Variants in DDAH1 observed in about 807,000 individuals in gnomAD.
The protein encoded by DDAH1 is dimethylarginine dimethylaminohydrolase 1, also known as N(G),N(G)-dimethylarginine dimethylaminohydrolase 1.
DDAH1 carries 19 observed loss-of-function variants against 28.8 expected under a neutral mutation model. That is an observed-to-expected ratio of 0.66 (90% CI 0.46 to 0.97). DDAH1 has a LOEUF of 0.97. Ranked by LOEUF, DDAH1 falls within the 50% of genes least tolerant of loss-of-function variation. The pLI, the probability that DDAH1 is intolerant of heterozygous loss-of-function variation, is 0.00. For missense variants in DDAH1, 326 were observed against 375.9 expected (o/e 0.87, Z 1.10); for synonymous variants, 153 against 154.4 (o/e 0.99, Z 0.07).
At chr1:85,412,533 T>C (rs1652697499) in intron 1 of DDAH1, among the ~76,000 whole-genome samples, 1 of 152,170 alleles carries the variant, frequency 6.6e-6, no homozygotes, top group African/African-American at 2.4e-5. Context: ...ATCGGTGTAG[T>C]ATGGCCCAAA....
intron 1 of DDAH1, among the ~76,000 whole-genome samples, chr1:85,449,928 C>T (rs1389217268): frequency 6.6e-6 from 1 of 152,014 alleles, no homozygotes; most frequent in Non-Finnish European, 1.5e-5. Context: ...GATTCTTGTC[C>T]CTTCCAGCAG....
intron 5 of DDAH1, among the ~76,000 whole-genome samples, chr1:85,322,021 C>T (rs897393736): frequency 1.3e-5 from 2 of 152,146 alleles, no homozygotes; most frequent in African/African-American, 4.8e-5. Context: ...TCAAGTGATC[C>T]TCCCACCTCA....
chr1:85,544,460 A>T (rs1259940179), intron 1 of DDAH1, among the ~76,000 whole-genome samples: 1 of 152,166 alleles, frequency 6.6e-6, no homozygotes, highest in Non-Finnish European at 1.5e-5. Context: ...CACAATGTCT[A>T]TTCCCATCCC....
At chr1:85,369,680 G>A (rs905590427) in intron 1 of DDAH1, among the ~76,000 whole-genome samples, 5 of 152,170 alleles carry the variant, frequency 3.3e-5, no homozygotes, top group African/African-American at 9.7e-5. Flanking sequence ...ATACATCAGC[G>A]AAGAGAGAAG....
intron 1 of DDAH1, among the ~76,000 whole-genome samples, chr1:85,434,744 C>T (rs1246584797): frequency 6.6e-6 from 1 of 152,076 alleles, no homozygotes; most frequent in African/African-American, 2.4e-5. Context: ...CAAACACTAT[C>T]CCTTCTTTTT....
Position 85,346,176 on chromosome 1 carries a change from C to T in DDAH1, c.597+4239G>A, listed in dbSNP as rs1392051691. 2.6e-5 allele frequency among the ~76,000 whole-genome samples: 4 copies of T among 152,154 alleles called. No individual in the cohort carries two copies. In the East Asian group the frequency reaches 7.7e-4, roughly 29 times the overall value. ...GAACCAAGTACTCAGAGAGCAGTGA[C>T]AGAGGTGAGAAGTAATCAAGCTTTC... is the stretch of plus-strand genomic sequence containing the variant. On this transcript the variant is annotated intron_variant, in intron 4 of 5. Coordinates refer to ENST00000284031, the MANE Select transcript of DDAH1 (RefSeq NM_012137.4).
chr1:85,421,963 T>C (rs1009787709), intron 1 of DDAH1, among the ~76,000 whole-genome samples: 11 of 152,198 alleles, frequency 7.2e-5, no homozygotes, highest in African/African-American at 2.7e-4. Flanking sequence ...AGGAGCATGA[T>C]TGCTGGATTG....
At chr1:85,556,515 C>G (rs1291491664) in intron 1 of DDAH1, among the ~76,000 whole-genome samples, 1 of 152,056 alleles carries the variant, frequency 6.6e-6, no homozygotes, top group Non-Finnish European at 1.5e-5. Context: ...GAGGTAGATA[C>G]CACACTGTCA....
At chr1:85,543,294 C>T (rs975761460) in intron 1 of DDAH1, among the ~76,000 whole-genome samples, 2 of 152,188 alleles carry the variant, frequency 1.3e-5, no homozygotes, top group African/African-American at 2.4e-5. Context: ...AAATTTCAAA[C>T]ATTTTGTTGT....
intron 1 of DDAH1, among the ~76,000 whole-genome samples, chr1:85,366,649 C>T (rs1650090647): frequency 6.6e-6 from 1 of 152,064 alleles, no homozygotes; most frequent in Admixed American, 6.6e-5. Flanking sequence ...CAGATGGTTA[C>T]TCATGAGTAA....
At chr1:85,406,801 G>A (rs1180724070) in intron 1 of DDAH1, among the ~76,000 whole-genome samples, 1 of 151,814 alleles carries the variant, frequency 6.6e-6, no homozygotes, top group Non-Finnish European at 1.5e-5. Flanking sequence ...AGGGCAAGCT[G>A]AAAAAATTAC....
At chr1:85,380,135 G>T (rs971455970) in intron 1 of DDAH1, among the ~76,000 whole-genome samples, 1 of 152,072 alleles carries the variant, frequency 6.6e-6, no homozygotes, top group Non-Finnish European at 1.5e-5. Flanking sequence ...ATACAATTTT[G>T]TGAAGTTGGT....
At chr1:85,513,498 A>C (rs1331951384) in intron 1 of DDAH1, among the ~76,000 whole-genome samples, 1 of 152,238 alleles carries the variant, frequency 6.6e-6, no homozygotes, top group African/African-American at 2.4e-5. Context: ...AAAATTGACA[A>C]ATGGGATCTA....
intron 4 of DDAH1, among the ~76,000 whole-genome samples, chr1:85,345,600 C>T (rs76931535): frequency 0.03 from 4,524 of 152,136 alleles, 223 homozygotes; most frequent in African/African-American, 0.1. Flanking sequence ...TTGTGGTGGC[C>T]AGGCCTGTAA....
intron 1 of DDAH1, among the ~76,000 whole-genome samples, chr1:85,516,555 C>CT (rs550469861): frequency 6.6e-6 from 1 of 151,156 alleles, no homozygotes; most frequent in African/African-American, 2.4e-5. Context: ...CATTTTCCCT[C>CT]TTTTTTCTGG....
chr1:85,438,072 C>T (rs1654022519), intron 1 of DDAH1, among the ~76,000 whole-genome samples: 1 of 152,176 alleles, frequency 6.6e-6, no homozygotes, highest in South Asian at 2.1e-4. Flanking sequence ...TGAATTAATG[C>T]AGAAACAGAA....
chr1:85,409,562 C>T (rs966869001), intron 1 of DDAH1, among the ~76,000 whole-genome samples: 2 of 152,272 alleles, frequency 1.3e-5, no homozygotes, highest in East Asian at 3.9e-4. Context: ...TTTTCACATA[C>T]TGCCTAAAAC....
intron 1 of DDAH1, among the ~76,000 whole-genome samples, chr1:85,369,281 T>C (rs1033853172): frequency 2.0e-5 from 3 of 150,954 alleles, no homozygotes; most frequent in Admixed American, 2.0e-4. Context: ...GCTCGGGGCA[T>C]TCTATTAACA....
At chr1:85,502,914 G>T (rs777765205) in intron 1 of DDAH1, among the ~76,000 whole-genome samples, 1 of 152,066 alleles carries the variant, frequency 6.6e-6, no homozygotes, top group Non-Finnish European at 1.5e-5. Flanking sequence ...TTGTCTCCTG[G>T]AGTCAGATCT....
Sources: allele counts gnomAD v4.1 joint callset (sites outside exome capture counted in the v4.1 genomes callset), GRCh38; gene constraint gnomAD v4.1.1; transcripts MANE v1.5; gene names NCBI Gene and HGNC (gene_info 2026-07-23, HGNC 2026-07-21).